HERC1: variants seen among roughly 807,000 people sequenced by gnomAD.
HERC1 encodes the protein HECT and RLD domain containing E3 ubiquitin protein ligase family member 1.
Under a neutral mutation model 554.3 loss-of-function variants are expected in HERC1, and 160 were observed. That is an observed-to-expected ratio of 0.29 (90% CI 0.25 to 0.33). The LOEUF is 0.33. Ranked by LOEUF, HERC1 falls within the 10% of genes least tolerant of loss-of-function variation. HERC1 has a pLI of 1.00. For missense variants in HERC1, 4,919 were observed against 5,918.5 expected (o/e 0.83, Z 5.54); for synonymous variants, 2,175 against 2,131.7 (o/e 1.02, Z -0.56).
chr15:63,640,083 G>T, intron 61 of HERC1, 69 bp downstream of exon 61: 1 of 1,426,132 alleles, frequency 7.0e-7, no homozygotes, highest in South Asian at 1.2e-5. Context: ...CTTATTAGGG[G>T]TCTGCTACAT....
intron 5 of HERC1, among the ~76,000 whole-genome samples, chr15:63,755,844 A>G (rs1204887025): frequency 6.6e-6 from 1 of 152,022 alleles, no homozygotes. Flanking sequence ...AGAAGATATG[A>G]GCTCAGTTTC....
Position 63,718,337 on chromosome 15 carries a change from T to G in HERC1, c.3978+237A>C, listed in dbSNP as rs2140388386. On this transcript the variant is annotated intron_variant, in intron 21 of 77. Coordinates refer to ENST00000443617, the MANE Select transcript of HERC1 (RefSeq NM_003922.4). This position sits in a 1 kb window ranked among gnomAD's most constrained non-coding sequence, Gnocchi z 4.2. ...ATATGATTTGAATCATTCAATTTGT[T>G]ATTAATATTTATGCAGCCAACTAAA... The G allele has an allele frequency of 2.5e-6, 1 of 405,070 alleles. No individual in the cohort carries two copies. 25.1% of individuals were successfully genotyped at this position (405,070 alleles called of 1,614,324 possible).
At chr15:63,777,588 T>G (rs2076152061) in intron 1 of HERC1, among the ~76,000 whole-genome samples, 1 of 152,226 alleles carries the variant, frequency 6.6e-6, no homozygotes, top group Non-Finnish European at 1.5e-5. Context: ...ATTCATGCAT[T>G]CTCCTATTTT....
At position 63,672,635 on chromosome 15, in the gene HERC1, T is replaced by TA; in HGVS notation, c.7905dup (p.Thr2636TyrfsTer2). 1 of 1,613,040 alleles carries TA rather than the reference T, an allele frequency of 6.2e-7. No homozygotes were observed. The highest frequency in any genetic ancestry group is 8.5e-7 in the Non-Finnish European group (1 of 1,179,488). ...GTCGTGCTTGAGGCTGATGGGCTAG[T>TA]AGTAACTGGTGTCTGTGCCTGCTGG... On this transcript the variant is annotated frameshift_variant, in exon 39 of 78. Transcript: ENST00000443617. LOFTEE classifies it high-confidence loss of function.
At chr15:63,717,652 CCT>C (rs1302490705) in intron 21 of HERC1, among the ~76,000 whole-genome samples, 1 of 152,114 alleles carries the variant, frequency 6.6e-6, no homozygotes, top group African/African-American at 2.4e-5. Context: ...TGTTCAAACT[CCT>C]CACTCCAGGA....
intron 25 of HERC1, among the ~76,000 whole-genome samples, chr15:63,702,341 C>A (rs1156755132): frequency 1.3e-5 from 2 of 152,104 alleles, no homozygotes; most frequent in East Asian, 3.8e-4. Flanking sequence ...TACCATGAAA[C>A]ACACATGTTG....
At chr15:63,751,497 T>C (rs1273252563) in intron 8 of HERC1, among the ~76,000 whole-genome samples, 1 of 152,180 alleles carries the variant, frequency 6.6e-6, no homozygotes, top group Non-Finnish European at 1.5e-5. Context: ...AAGGCCTACA[T>C]AGAGTTTTCT....
chr15:63,704,960 G>A (rs886816647), intron 25 of HERC1, among the ~76,000 whole-genome samples: 5 of 151,686 alleles, frequency 3.3e-5, no homozygotes, highest in Admixed American at 6.6e-5. Flanking sequence ...GGATGGTGTC[G>A]ATCTCCTGAC....
chr15:63,782,467 G>C (rs984820352), intron 1 of HERC1, among the ~76,000 whole-genome samples: 3 of 152,174 alleles, frequency 2.0e-5, no homozygotes, highest in Admixed American at 2.0e-4. Flanking sequence ...CCACTGTTAA[G>C]ACCTACAGCT....
intron 43 of HERC1, among the ~76,000 whole-genome samples, chr15:63,663,873 G>A (rs758238906): frequency 2.6e-5 from 4 of 152,158 alleles, no homozygotes; most frequent in Admixed American, 1.3e-4. Flanking sequence ...CACTGTTCCT[G>A]TAAATTACTG....
At chr15:63,805,957 A>C (rs1001481750) in intron 1 of HERC1, among the ~76,000 whole-genome samples, 6 of 151,722 alleles carry the variant, frequency 4.0e-5, no homozygotes, top group African/African-American at 9.7e-5. Context: ...CAAAAAAAAA[A>C]AAACAAACAA....
intron 3 of HERC1, 48 bp downstream of exon 3, chr15:63,764,048 G>T: frequency 9.0e-7 from 1 of 1,106,664 alleles, no homozygotes; most frequent in Non-Finnish European, 1.3e-6. Flanking sequence ...ACATGCCATA[G>T]CATTTTAACA....
At position 63,712,816 on chromosome 15, in the gene HERC1, C is replaced by G. The variant is rs751209874; in HGVS notation, c.4543G>C (p.Asp1515His). 1 of 1,613,808 alleles carries G rather than the reference C, an allele frequency of 6.2e-7. No homozygotes were observed. The highest frequency in any genetic ancestry group is 1.7e-5 in the Admixed American group (1 of 60,026). ...TCATCTGATTCAGGCTGAGACAAATCAGATTCACTCCTCGATTTGATCAGT... is the reference window on the plus strand; with the variant it reads ...TCATCTGATTCAGGCTGAGACAAATGAGATTCACTCCTCGATTTGATCAGT... ...YRLIKSRSES[D>H]LSQPESDEEG... The change falls in exon 24 of 78, where the codon GAT becomes CAT. Residue 1515 changes from aspartate to histidine, a missense_variant. By Grantham distance (81) the Asp-to-His change is moderately conservative (BLOSUM62 -1). Around this residue, in one of 11 missense-constraint regions of HERC1, gnomAD observed 1,121 missense variants for 1,244.0 expected, o/e 0.90. Coordinates refer to ENST00000443617, the MANE Select transcript of HERC1 (RefSeq NM_003922.4).
intron 55 of HERC1, 64 bp downstream of exon 55, chr15:63,648,005 T>C: frequency 7.7e-7 from 1 of 1,290,670 alleles, no homozygotes; most frequent in South Asian, 1.3e-5. Flanking sequence ...CACTGTGTAA[T>C]CTATGCATGT....
intron 60 of HERC1, among the ~76,000 whole-genome samples, 157 bp from the exon 61 acceptor site, chr15:63,640,602 A>G (rs570475199): frequency 2.0e-5 from 3 of 152,342 alleles, no homozygotes; most frequent in Admixed American, 1.3e-4. Flanking sequence ...AGTTGTACAG[A>G]TAGTACCGAG....
At position 63,640,376 on chromosome 15, in the gene HERC1, C is replaced by G; in HGVS notation, c.11677G>C (p.Gly3893Arg). 1 of 1,613,810 alleles carries G rather than the reference C, an allele frequency of 6.2e-7. No homozygotes were observed. The highest frequency in any genetic ancestry group is 8.5e-7 in the Non-Finnish European group (1 of 1,179,794). ...CACAACAGCTGATCCAGATGAAGTCCCACAGCAAGGGAAGCCAAGCATTGC... is the reference window on the plus strand; with the variant it reads ...CACAACAGCTGATCCAGATGAAGTCGCACAGCAAGGGAAGCCAAGCATTGC... ...YMQCLASLAVGLHLDQLLCNP... is the reference protein window; with the variant it reads ...YMQCLASLAVRLHLDQLLCNP... The change falls in exon 61 of 78, where the codon GGA becomes CGA. Residue 3893 changes from glycine (G) to arginine (R), a missense_variant. By Grantham distance (125) the Gly-to-Arg change is moderately radical. This residue lies in a region of HERC1 where 1,963 missense variants were observed against 2,228.6 expected (regional missense o/e 0.88). Coordinates refer to ENST00000443617, the MANE Select transcript of HERC1 (RefSeq NM_003922.4).
rs530583410 is a variant in HERC1 at position 63,778,581 on chromosome 15, T to C, written c.-26-2932A>G. Reference sequence around the variant, plus strand: ...ATATTTAGTGTCCTGCAAGGCAAAATAGACCCATAAAATTGAAGACAGAAC... The same window carrying C: ...ATATTTAGTGTCCTGCAAGGCAAAACAGACCCATAAAATTGAAGACAGAAC... On this transcript the variant is annotated intron_variant, in intron 1 of 77. Coordinates refer to ENST00000443617, the MANE Select transcript of HERC1 (RefSeq NM_003922.4). Among the ~76,000 whole-genome samples, 12 of 152,138 alleles carry C rather than the reference T, an allele frequency of 7.9e-5. No homozygotes were observed. In the East Asian group the frequency reaches 1.5e-3, roughly 20 times the overall value.
chr15:63,731,329 T>C (rs1168299629), intron 14 of HERC1, among the ~76,000 whole-genome samples: 1 of 152,180 alleles, frequency 6.6e-6, no homozygotes, highest in Non-Finnish European at 1.5e-5. Flanking sequence ...TATTTTAAAA[T>C]CTTAGAACAA....
intron 73 of HERC1, among the ~76,000 whole-genome samples, chr15:63,623,462 G>C (rs539878656): frequency 2.4e-4 from 36 of 152,264 alleles, no homozygotes; most frequent in African/African-American, 8.7e-4. Context: ...TTGTTATTCT[G>C]CCAATATTAT....
Sources: allele counts gnomAD v4.1 joint callset (sites outside exome capture counted in the v4.1 genomes callset), GRCh38; gene constraint gnomAD v4.1.1; regional missense constraint gnomAD v4.1.1; non-coding constraint Gnocchi (gnomAD v3.1); transcripts MANE v1.5; gene names NCBI Gene and HGNC (gene_info 2026-07-23, HGNC 2026-07-21).